Variants in SCAPER observed in about 807,000 individuals in gnomAD.
SCAPER encodes S-phase cyclin A associated protein in the ER, also known as S phase cyclin A-associated protein in the endoplasmic reticulum.
In SCAPER, 98 loss-of-function variants were observed where a neutral mutation model predicts 182.2. The observed-to-expected ratio is 0.54, with a 90% CI of 0.46 to 0.64. The LOEUF is 0.64. Ranked by LOEUF, SCAPER falls within the 30% of genes least tolerant of loss-of-function variation. The pLI is 0.00. For missense variants in SCAPER, 1,432 were observed against 1,690.0 expected, an observed-to-expected ratio of 0.85 and a Z score of 2.68; for synonymous variants, 605 against 564.6, an observed-to-expected ratio of 1.07 and a Z score of -1.01.
chr15:76,789,844 T>C (rs2064873629), intron 8 of SCAPER, among the ~76,000 whole-genome samples: 1 of 152,222 alleles, frequency 6.6e-6, no homozygotes, highest in Admixed American at 6.5e-5. Flanking sequence ...ATATAACCAG[T>C]AACTGATGTG....
intron 21 of SCAPER, among the ~76,000 whole-genome samples, chr15:76,654,199 A>G (rs1258580223): frequency 1.3e-5 from 2 of 152,132 alleles, no homozygotes; most frequent in African/African-American, 4.8e-5. Context: ...TCAGGAGATC[A>G]AGACCATCCT....
At chr15:76,454,470 C>T (rs2048582536) in intron 25 of SCAPER, among the ~76,000 whole-genome samples, 1 of 152,162 alleles carries the variant, frequency 6.6e-6, no homozygotes, top group Admixed American at 6.5e-5. Context: ...ATCTCCCTAA[C>T]CTAGTAACCA....
intron 15 of SCAPER, among the ~76,000 whole-genome samples, chr15:76,745,386 T>C (rs2061742276): frequency 6.6e-6 from 1 of 152,144 alleles, no homozygotes; most frequent in Non-Finnish European, 1.5e-5. Context: ...GAGGCAGCTG[T>C]GTCAGTGAGC....
At chr15:76,546,225 A>G (rs1195247202) in intron 23 of SCAPER, among the ~76,000 whole-genome samples, 1 of 152,222 alleles carries the variant, frequency 6.6e-6, no homozygotes, top group African/African-American at 2.4e-5. Flanking sequence ...TGATGAAAAT[A>G]TAAGACCAGG....
At chr15:76,746,252 G>C (rs2061788890) in intron 15 of SCAPER, among the ~76,000 whole-genome samples, 1 of 152,190 alleles carries the variant, frequency 6.6e-6, no homozygotes, top group African/African-American at 2.4e-5. Context: ...ATTGATTCCA[G>C]GATCCACCAT....
At chr15:76,588,589 A>G (rs1567537071) in intron 22 of SCAPER, among the ~76,000 whole-genome samples, 1 of 152,188 alleles carries the variant, frequency 6.6e-6, no homozygotes, top group East Asian at 1.9e-4. Context: ...TAGGCCATTT[A>G]CATTCAACGT....
intron 5 of SCAPER, among the ~76,000 whole-genome samples, chr15:76,821,599 G>C (rs949891325): frequency 6.6e-6 from 1 of 152,050 alleles, no homozygotes; most frequent in Non-Finnish European, 1.5e-5. Context: ...ACTCCAGCCT[G>C]GGTGACAGGG....
intron 27 of SCAPER, among the ~76,000 whole-genome samples, chr15:76,383,997 T>A (rs2043137016): frequency 6.6e-6 from 1 of 152,236 alleles, no homozygotes; most frequent in African/African-American, 2.4e-5. Flanking sequence ...CAAACTTCTG[T>A]TAGCTAATGT....
intron 23 of SCAPER, among the ~76,000 whole-genome samples, chr15:76,540,554 T>A (rs1187042993): frequency 6.6e-6 from 1 of 151,768 alleles, no homozygotes; most frequent in African/African-American, 2.4e-5. Flanking sequence ...AATATATGAG[T>A]GTATATGTAT....
At chr15:76,612,284 C>G (rs969709697) in intron 22 of SCAPER, among the ~76,000 whole-genome samples, 3 of 152,112 alleles carry the variant, frequency 2.0e-5, no homozygotes, top group Non-Finnish European at 4.4e-5. Flanking sequence ...GTTGCCCAGG[C>G]TGGGGTGCAG....
intron 2 of SCAPER, among the ~76,000 whole-genome samples, chr15:76,865,323 A>G (rs1255654956): frequency 2.0e-5 from 3 of 152,166 alleles, no homozygotes; most frequent in African/African-American, 4.8e-5. Context: ...AGCAACAGCC[A>G]TAAGACTGAC....
At position 76,852,575 on chromosome 15, in the gene SCAPER, G is replaced by A. The variant is rs544743183; in HGVS notation, c.195+5234C>T. ...TGCAACACATGAAACTAAACAACATGTACTTGAATGAATTCTGAGTAAATA... is the reference window on the plus strand; with the variant it reads ...TGCAACACATGAAACTAAACAACATATACTTGAATGAATTCTGAGTAAATA... On this transcript the variant is annotated intron_variant, in intron 4 of 31. Transcript: ENST00000563290. Among the ~76,000 whole-genome samples the A allele has an allele frequency of 9.9e-5, 15 of 152,258 alleles. No individual in the cohort carries two copies. In the East Asian group the frequency reaches 2.9e-3, roughly 29 times the overall value.
At chr15:76,513,457 CA>C (rs1346196253) in intron 23 of SCAPER, among the ~76,000 whole-genome samples, 2 of 152,108 alleles carry the variant, frequency 1.3e-5, no homozygotes, top group Non-Finnish European at 2.9e-5. Flanking sequence ...GATGAACCAA[CA>C]AAATATTAAA....
rs1404904662 is a variant in SCAPER at position 76,366,849 on chromosome 15, AG to A, written c.3855+9312del. Among the ~76,000 whole-genome samples the A allele has an allele frequency of 5.9e-5, 9 of 152,276 alleles. No individual in the cohort carries two copies. The East Asian group carries it at 1.7e-3, about 29-fold the overall frequency. On this transcript the variant is annotated intron_variant, in intron 29 of 31. Coordinates refer to ENST00000563290, the MANE Select transcript of SCAPER (RefSeq NM_020843.4). The stretch of plus-strand genomic sequence containing the variant: ...GTGAACCAGGCATGCCCCTTTGGGA[AG>A]GGAAGCTGGCAGCTGACCAGAACCA...
intron 25 of SCAPER, among the ~76,000 whole-genome samples, chr15:76,467,962 C>G (rs2049820300): frequency 6.6e-6 from 1 of 152,166 alleles, no homozygotes; most frequent in African/African-American, 2.4e-5. Flanking sequence ...TGATGATAAT[C>G]AGTTGTCTTA....
chr15:76,778,919 T>C (rs2063916033), intron 8 of SCAPER, among the ~76,000 whole-genome samples: 1 of 151,980 alleles, frequency 6.6e-6, no homozygotes, highest in African/African-American at 2.4e-5. Context: ...AGATATGCCA[T>C]GCAAACATTA....
At chr15:76,652,337 C>CAT (rs1376905603) in intron 21 of SCAPER, among the ~76,000 whole-genome samples, 1,134 of 13,202 alleles carry the variant, frequency 0.086, 65 homozygotes, top group Middle Eastern at 0.12. Flanking sequence ...CACACATACA[C>CAT]ATATATACAC....
At chr15:76,543,422 CA>C (rs2044962993) in intron 23 of SCAPER, among the ~76,000 whole-genome samples, 1 of 152,110 alleles carries the variant, frequency 6.6e-6, no homozygotes, top group Non-Finnish European at 1.5e-5. Context: ...GGATTCATTT[CA>C]GCAATGAATT....
chr15:76,355,100 CA>C (rs1463258552), intron 29 of SCAPER, among the ~76,000 whole-genome samples: 1 of 152,152 alleles, frequency 6.6e-6, no homozygotes. Flanking sequence ...AAATTAAAAC[CA>C]GAAGGAAAGA....
Sources: gnomAD v4.1 joint callset for allele counts (sites outside exome capture counted in the v4.1 genomes callset) on GRCh38, gnomAD v4.1.1 for gene constraint, MANE v1.5 for transcripts, NCBI Gene and HGNC (gene_info 2026-07-23, HGNC 2026-07-21) for gene names.